LMBR1: variants seen among roughly 807,000 people sequenced by gnomAD.
LMBR1 encodes the protein limb region 1 protein homolog.
A neutral mutation model predicts 73.9 loss-of-function variants in LMBR1; 52 were observed. The observed-to-expected ratio is 0.70, with a 90% confidence interval of 0.56 to 0.89. LMBR1 has a LOEUF of 0.89. Among genes scored for constraint, LMBR1 ranks in the 40% least tolerant of loss-of-function variants. LMBR1 has a pLI of 0.00. For missense variants in LMBR1, 539 were observed against 579.8 expected, an observed-to-expected ratio of 0.93 and a Z score of 0.72; for synonymous variants, 215 against 209.4, an observed-to-expected ratio of 1.03 and a Z score of -0.23.
At chr7:156,801,738 T>C (rs1161228448) in intron 4 of LMBR1, among the ~76,000 whole-genome samples, 1 of 151,836 alleles carries the variant, frequency 6.6e-6, no homozygotes, top group African/African-American at 2.4e-5. Flanking sequence ...CACCATGTTG[T>C]CCAGTCTGGT....
At chr7:156,766,959 A>G (rs564722256) in intron 5 of LMBR1, among the ~76,000 whole-genome samples, 3 of 152,322 alleles carry the variant, frequency 2.0e-5, no homozygotes, top group East Asian at 3.9e-4. Flanking sequence ...CTGTAGACCA[A>G]TGCCTAAACT....
chr7:156,750,116 T>C (rs917469737), intron 9 of LMBR1, among the ~76,000 whole-genome samples: 1 of 152,148 alleles, frequency 6.6e-6, no homozygotes, highest in Admixed American at 6.5e-5. Context: ...TAAAATAAAT[T>C]AAAAGAACTC....
At position 156,826,702 on chromosome 7, in the gene LMBR1, A is replaced by C. The variant is rs774854170; in HGVS notation, c.222T>G (p.Ala74=). The change falls in exon 4 of 17, where the codon GCT becomes GCG. Residue 74 remains alanine, a synonymous_variant. Coordinates refer to ENST00000353442, the MANE Select transcript of LMBR1 (RefSeq NM_022458.4). ...STFTLAVSAG[A]VLLLPFSIIS... ...TGATTGAGAAGGGTAAAAGCAAAAC[A>C]GCCCCAGCTGACACTGCGAGAGTGA... 6.2e-7 allele frequency: 1 copy of C among 1,612,168 alleles called. No individual in the cohort carries two copies. The highest frequency in any genetic ancestry group is 1.1e-5 in the South Asian group (1 of 90,626).
At chr7:156,805,142 ATATG>A (rs1035600807) in intron 4 of LMBR1, among the ~76,000 whole-genome samples, 12 of 151,572 alleles carry the variant, frequency 7.9e-5, no homozygotes, top group African/African-American at 7.3e-5. Flanking sequence ...AATTGACAAT[ATATG>A]TATGTATCTA....
chr7:156,747,585 A>C (rs1015381997), intron 9 of LMBR1, among the ~76,000 whole-genome samples: 1 of 152,144 alleles, frequency 6.6e-6, no homozygotes. Flanking sequence ...TTATCTCCCT[A>C]AACAATTCAG....
At chr7:156,777,832 T>A (rs1178248260) in intron 5 of LMBR1, among the ~76,000 whole-genome samples, 4 of 152,206 alleles carry the variant, frequency 2.6e-5, no homozygotes, top group Non-Finnish European at 5.9e-5. Flanking sequence ...AAACATGACA[T>A]CATTACCCAC....
In LMBR1 at chr7:156,863,579, C is replaced by T. The variant is rs115961445; in HGVS notation, c.67-26694G>A. 3.0e-3 allele frequency among the ~76,000 whole-genome samples: 464 copies of T among 152,228 alleles called. 5 individuals carry two copies. Among genetic ancestry groups the T allele is most frequent in the African/African-American group, 0.01 (436 of 41,528 alleles). ...CGGCAAGGTAAAATTTGCTTATGTT[C>T]GATTTAGTAAATACTTCCAAACAGT... On this transcript the variant is annotated intron_variant, in intron 1 of 16. Transcript: ENST00000353442.
chr7:156,839,066 T>G (rs1838180962), intron 1 of LMBR1, among the ~76,000 whole-genome samples: 1 of 146,728 alleles, frequency 6.8e-6, no homozygotes, highest in Admixed American at 6.7e-5. Context: ...TTTTTTTTTT[T>G]TGGACAGAGT....
intron 5 of LMBR1, among the ~76,000 whole-genome samples, chr7:156,764,460 G>A (rs758294020): frequency 1.4e-4 from 22 of 151,920 alleles, no homozygotes; most frequent in South Asian, 2.1e-4. Flanking sequence ...CCAAACTAAA[G>A]GCCAGACTTT....
intron 15 of LMBR1, among the ~76,000 whole-genome samples, chr7:156,714,328 G>A (rs1216134439): frequency 6.6e-6 from 1 of 152,238 alleles, no homozygotes; most frequent in Non-Finnish European, 1.5e-5. Context: ...GATTTGTGGA[G>A]TTCATGGCTG....
chr7:156,841,144 G>A (rs558887379), intron 1 of LMBR1, among the ~76,000 whole-genome samples: 1 of 152,056 alleles, frequency 6.6e-6, no homozygotes, highest in African/African-American at 2.4e-5. Context: ...GATAAGATTT[G>A]CTAGAATAAA....
intron 1 of LMBR1, among the ~76,000 whole-genome samples, chr7:156,884,602 A>G (rs1290284271): frequency 6.6e-6 from 1 of 152,196 alleles, no homozygotes. Flanking sequence ...TCACTTCCTT[A>G]AACCCTTCCC....
intron 15 of LMBR1, among the ~76,000 whole-genome samples, chr7:156,698,164 T>C (rs569529941): frequency 6.6e-6 from 1 of 152,224 alleles, no homozygotes; most frequent in African/African-American, 2.4e-5. Flanking sequence ...ATGTCTCGCA[T>C]CCAGGTCATG....
chr7:156,797,218 A>C (rs1830192659), intron 4 of LMBR1, among the ~76,000 whole-genome samples: 1 of 152,262 alleles, frequency 6.6e-6, no homozygotes, highest in African/African-American at 2.4e-5. Context: ...CCCTGGCACA[A>C]AATGGCAAGT....
chr7:156,831,558 C>A (rs1836699248), intron 3 of LMBR1, among the ~76,000 whole-genome samples: 1 of 152,070 alleles, frequency 6.6e-6, no homozygotes, highest in Non-Finnish European at 1.5e-5. Context: ...CCATGCCCCT[C>A]CCTTAACTGT....
At chr7:156,856,060 T>C (rs972001690) in intron 1 of LMBR1, among the ~76,000 whole-genome samples, 2 of 151,950 alleles carry the variant, frequency 1.3e-5, no homozygotes, top group African/African-American at 4.8e-5. Flanking sequence ...CCGGGTGTGG[T>C]GGCGGGTGCC....
chr7:156,747,501 A>G (rs1319646681), intron 9 of LMBR1, among the ~76,000 whole-genome samples: 1 of 152,174 alleles, frequency 6.6e-6, no homozygotes, highest in Middle Eastern at 3.2e-3. Context: ...CTTAAAATAT[A>G]AAATGTATTT....
At chr7:156,883,785 T>C (rs1801465192) in intron 1 of LMBR1, among the ~76,000 whole-genome samples, 3 of 152,198 alleles carry the variant, frequency 2.0e-5, no homozygotes, top group Admixed American at 2.0e-4. Context: ...ACTCTGCCTC[T>C]GTCATCACAT....
At chr7:156,799,201 C>CAAA (rs1164708033) in intron 4 of LMBR1, among the ~76,000 whole-genome samples, 19 of 125,558 alleles carry the variant, frequency 1.5e-4, no homozygotes, top group Non-Finnish European at 2.7e-4. Flanking sequence ...GACTCCATCT[C>CAAA]AAAAAAAAAA....
Sources: gnomAD v4.1 joint callset for allele counts (sites outside exome capture counted in the v4.1 genomes callset) on GRCh38, gnomAD v4.1.1 for gene constraint, MANE v1.5 for transcripts, NCBI Gene and HGNC (gene_info 2026-07-23, HGNC 2026-07-21) for gene names.